MARK3: variants seen among roughly 807,000 people sequenced by gnomAD.
The protein encoded by MARK3 is microtubule affinity regulating kinase 3.
A neutral mutation model predicts 90.1 loss-of-function variants in MARK3; 46 were observed. The observed-to-expected ratio is 0.51, with a 90% CI of 0.40 to 0.65. The LOEUF (loss-of-function observed/expected upper bound fraction) is 0.65, where lower values mean the gene tolerates loss of function less well. Ranked by LOEUF, MARK3 falls within the 30% of genes least tolerant of loss-of-function variation. The pLI, the probability that MARK3 is intolerant of heterozygous loss-of-function variation, is 0.00. For missense variants in MARK3, 818 were observed against 947.2 expected (o/e 0.86, Z 1.79); for synonymous variants, 321 against 332.6 (o/e 0.97, Z 0.38).
intron 1 of MARK3, among the ~76,000 whole-genome samples, chr14:103,389,969 C>T (rs2090120936): frequency 8.9e-6 from 1 of 112,372 alleles, no homozygotes; most frequent in Non-Finnish European, 1.8e-5. Flanking sequence ...AAAAAAAAGG[C>T]CGGGCGCGGT....
At chr14:103,465,947 T>G (rs754645880) in intron 8 of MARK3, 25 bp from the exon 9 acceptor site, 1 of 1,598,282 alleles carries the variant, frequency 6.3e-7, no homozygotes, top group Admixed American at 1.8e-5. Context: ...CTTACTCGTT[T>G]TCTTTCCTCT....
At chr14:103,425,388 T>G (rs1377542734) in intron 2 of MARK3, among the ~76,000 whole-genome samples, 1 of 151,932 alleles carries the variant, frequency 6.6e-6, no homozygotes, top group Non-Finnish European at 1.5e-5. Context: ...GCCTTTCAAG[T>G]AGCTGGTGGG....
chr14:103,386,166 C>T, intron 1 of MARK3, 86 bp downstream of exon 1: 1 of 1,279,220 alleles, frequency 7.8e-7, no homozygotes, highest in Non-Finnish European at 1.1e-6. Context: ...GGTGTTCCCC[C>T]CAGCCGAACG....
At chr14:103,438,283 G>A (rs1439334833) in intron 3 of MARK3, among the ~76,000 whole-genome samples, 8 of 152,154 alleles carry the variant, frequency 5.3e-5, no homozygotes, top group African/African-American at 1.7e-4. Context: ...GATTACAGGC[G>A]TGAGCCACCA....
In MARK3 at chr14:103,466,424, T is replaced by A. The variant is rs1442772905; in HGVS notation, c.979T>A (p.Ser327Thr). 6.2e-7 allele frequency: 1 copy of A among 1,612,400 alleles called. No homozygotes were observed. The highest frequency in any genetic ancestry group is 1.7e-5 in the Admixed American group (1 of 59,916). ...ATTTGTTGAACCAGAGCTAGACATC[T>A]CAGACCAAAAAAGAATAGGTAATCA... is the stretch of plus-strand genomic sequence containing the variant. The part of the protein sequence containing the change: ...KPFVEPELDI[S>T]DQKRIDIMVG... The change falls in exon 10 of 18, where the codon TCA (serine) becomes ACA (threonine). Residue 327 changes from serine (S) to threonine (T), a missense_variant. By Grantham distance (58) the Ser-to-Thr change is moderately conservative (BLOSUM62 1). Around this residue, in one of 3 missense-constraint regions of MARK3, gnomAD observed 560 missense variants for 613.5 expected, o/e 0.91. Coordinates refer to ENST00000429436, the MANE Select transcript of MARK3 (RefSeq NM_001128918.3).
intron 14 of MARK3, among the ~76,000 whole-genome samples, chr14:103,487,816 A>C (rs1485937985): frequency 6.6e-6 from 1 of 152,158 alleles, no homozygotes; most frequent in Non-Finnish European, 1.5e-5. Flanking sequence ...TGGGAGGCTG[A>C]GCCGGGTGGA....
intron 12 of MARK3, among the ~76,000 whole-genome samples, chr14:103,471,791 A>G (rs968599306): frequency 4.1e-5 from 6 of 147,056 alleles, no homozygotes; most frequent in South Asian, 2.2e-4. Flanking sequence ...TTAAAAAATG[A>G]AAAAAAAAAT....
At chr14:103,491,160 A>C in intron 14 of MARK3, 1 of 1,181,424 alleles carries the variant, frequency 8.5e-7, no homozygotes, top group Non-Finnish European at 1.1e-6. Context: ...CTGCTTCTTA[A>C]TTTTGTGCTG....
chr14:103,486,849 G>A (rs1221955501), intron 14 of MARK3, among the ~76,000 whole-genome samples: 1 of 151,794 alleles, frequency 6.6e-6, no homozygotes, highest in Non-Finnish European at 1.5e-5. Context: ...GATGTGACAT[G>A]GATTAAATTT....
intron 2 of MARK3, among the ~76,000 whole-genome samples, chr14:103,418,257 G>C (rs1463385555): frequency 1.1e-5 from 1 of 93,256 alleles, no homozygotes; most frequent in African/African-American, 4.1e-5. Context: ...CTTTTATAAA[G>C]TAGATTTTTG....
At chr14:103,444,035 G>A (rs559043355) in intron 3 of MARK3, among the ~76,000 whole-genome samples, 31 of 146,896 alleles carry the variant, frequency 2.1e-4, no homozygotes, top group Admixed American at 9.5e-4. Flanking sequence ...TGTAACCCCC[G>A]TGTTCTCTTT....
chr14:103,412,740 C>T lies in MARK3; in HGVS notation c.243+7473C>T, dbSNP rs565639508. On this transcript the variant is annotated intron_variant, in intron 2 of 17. Coordinates refer to ENST00000429436, the MANE Select transcript of MARK3 (RefSeq NM_001128918.3). Reference sequence around the variant, plus strand: ...TCCTGCACCGCCTCATCCAGGGTGTCGTGAGAGACTTTGCTGCTTATGGGT... The same window carrying T: ...TCCTGCACCGCCTCATCCAGGGTGTTGTGAGAGACTTTGCTGCTTATGGGT... 6.2e-5 allele frequency: 34 copies of T among 549,360 alleles called. No homozygotes were observed. The East Asian group carries it at 1.2e-3, about 19-fold the overall frequency. The allele number at this position is 549,360 out of a possible 1,614,324, so 34.0% of individuals were successfully genotyped here.
intron 4 of MARK3, among the ~76,000 whole-genome samples, chr14:103,450,736 TC>T (rs1186730987): frequency 6.6e-6 from 1 of 152,056 alleles, no homozygotes; most frequent in Non-Finnish European, 1.5e-5. Context: ...TATTAAAGCC[TC>T]AGAAAATTGC....
chr14:103,430,028 G>A (rs373237560), intron 3 of MARK3, among the ~76,000 whole-genome samples: 8 of 151,340 alleles, frequency 5.3e-5, no homozygotes, highest in Admixed American at 4.6e-4. Flanking sequence ...GCTGCTCTTC[G>A]TTTATTATTT....
chr14:103,385,962 C>T lies in MARK3; in HGVS notation c.-68C>T, dbSNP rs1195381396. 1 of 1,338,804 alleles carries T rather than the reference C, an allele frequency of 7.5e-7. No homozygotes were observed. Among genetic ancestry groups the T allele is most frequent in the Non-Finnish European group, 1.1e-6 (1 of 930,106 alleles). 82.9% of individuals were successfully genotyped at this position (1,338,804 alleles called of 1,614,324 possible). A position where few individuals can be genotyped will look rare whatever the true frequency, so the allele number is the denominator to read the frequency against. ...CTGCCGTGGACTCGAGGACGCTGGT[C>T]GCCGGCCTCCTAGGGCTGTGCTGTT... is the stretch of plus-strand genomic sequence containing the variant. On this transcript the variant is annotated 5_prime_UTR_variant, in exon 1 of 18. Transcript: ENST00000429436.
intron 2 of MARK3, among the ~76,000 whole-genome samples, chr14:103,427,622 A>G (rs141251098): frequency 2.0e-5 from 3 of 152,046 alleles, no homozygotes; most frequent in African/African-American, 7.2e-5. Context: ...TGAATTATTC[A>G]TGAGCTTTCT....
At chr14:103,401,729 A>T (rs1349682868) in intron 1 of MARK3, among the ~76,000 whole-genome samples, 2 of 152,202 alleles carry the variant, frequency 1.3e-5, no homozygotes, top group Non-Finnish European at 2.9e-5. Context: ...ACTCAGATGT[A>T]AAAAAGCCAG....
intron 1 of MARK3, among the ~76,000 whole-genome samples, chr14:103,402,985 G>C (rs954279152): frequency 1.3e-5 from 2 of 152,070 alleles, no homozygotes; most frequent in South Asian, 2.1e-4. Context: ...CAGCAGCCAG[G>C]CTTACAGAGA....
At chr14:103,482,721 C>T (rs1231284416) in intron 14 of MARK3, among the ~76,000 whole-genome samples, 1 of 152,092 alleles carries the variant, frequency 6.6e-6, no homozygotes, top group Non-Finnish European at 1.5e-5. Context: ...ATGCCTGTGT[C>T]TTCTGATTCT....
Sources: gnomAD v4.1 joint callset for allele counts (sites outside exome capture counted in the v4.1 genomes callset) on GRCh38, gnomAD v4.1.1 for gene constraint, gnomAD v4.1.1 regional missense constraint, MANE v1.5 for transcripts, NCBI Gene and HGNC (gene_info 2026-07-23, HGNC 2026-07-21) for gene names.